Variants in SWT1 observed in about 807,000 individuals in gnomAD.
The protein encoded by SWT1 is transcriptional protein SWT1.
A neutral mutation model predicts 107.3 loss-of-function variants in SWT1; 33 were observed. That is an observed-to-expected ratio of 0.31 (90% confidence interval 0.23 to 0.41). The LOEUF (loss-of-function observed/expected upper bound fraction) is 0.41, where lower values mean the gene tolerates loss of function less well. Among genes scored for constraint, SWT1 ranks in the 10% least tolerant of loss-of-function variants. SWT1 has a pLI of 1.00. For missense variants in SWT1, 898 were observed against 1,028.9 expected (o/e 0.87, Z 1.74); for synonymous variants, 345 against 348.3 (o/e 0.99, Z 0.11).
intron 16 of SWT1, 124 bp from the exon 17 acceptor site, chr1:185,271,199 C>T: frequency 3.3e-6 from 2 of 614,028 alleles, no homozygotes; most frequent in Admixed American, 6.6e-5. Flanking sequence ...ATATTATAAA[C>T]CTGTAAGCTT....
chr1:185,223,333 C>A (rs1558053063), intron 15 of SWT1, among the ~76,000 whole-genome samples: 2 of 151,986 alleles, frequency 1.3e-5, no homozygotes, highest in Non-Finnish European at 1.5e-5. Context: ...CCTCTCACCT[C>A]ATTTTTTTGA....
chr1:185,188,119 A>G (rs1656654542), intron 9 of SWT1, among the ~76,000 whole-genome samples: 3 of 152,202 alleles, frequency 2.0e-5, no homozygotes, highest in Non-Finnish European at 4.4e-5. Flanking sequence ...AAGGATACAT[A>G]CCTAGTAAGT....
chr1:185,267,821 C>T (rs529658141), intron 16 of SWT1, among the ~76,000 whole-genome samples: 10 of 152,186 alleles, frequency 6.6e-5, no homozygotes, highest in African/African-American at 1.9e-4. Context: ...GATTTTAGGA[C>T]TTTCATTCAA....
intron 10 of SWT1, among the ~76,000 whole-genome samples, chr1:185,195,393 T>A (rs1363119942): frequency 6.6e-6 from 1 of 152,214 alleles, no homozygotes; most frequent in Non-Finnish European, 1.5e-5. Context: ...TAATCCAGTC[T>A]ATCACTGATG....
chr1:185,265,519 C>G (rs536389707), intron 16 of SWT1, among the ~76,000 whole-genome samples: 63 of 152,228 alleles, frequency 4.1e-4, no homozygotes, highest in African/African-American at 1.4e-3. Flanking sequence ...CAGCAAAATC[C>G]AATTTGATAA....
intron 15 of SWT1, among the ~76,000 whole-genome samples, chr1:185,228,171 A>G (rs747904314): frequency 4.2e-4 from 28 of 66,564 alleles, no homozygotes; most frequent in South Asian, 1.4e-3. Flanking sequence ...AAAAATGTGT[A>G]TATATATATA....
chr1:185,214,806 G>C (rs1659091597), intron 14 of SWT1, 151 bp downstream of exon 14: 1 of 605,752 alleles, frequency 1.7e-6, no homozygotes. Context: ...ATTGAATACA[G>C]AGTAAGCAAC....
At chr1:185,231,789 G>C (rs1660525101) in intron 16 of SWT1, 81 bp downstream of exon 16, 1 of 1,108,282 alleles carries the variant, frequency 9.0e-7, no homozygotes, top group Non-Finnish European at 1.3e-6. Flanking sequence ...TTTCAGAGTT[G>C]CTAGGAGTCA....
chr1:185,242,840 T>C (rs1278833924), intron 16 of SWT1, among the ~76,000 whole-genome samples: 5 of 152,148 alleles, frequency 3.3e-5, no homozygotes. Flanking sequence ...TTAAGTCTCG[T>C]TTTAAGAAAT....
chr1:185,184,827 C>T lies in SWT1; in HGVS notation c.1325C>T (p.Ala442Val), dbSNP rs202132437. The change falls in exon 9 of 19, where the codon GCC (alanine) becomes GTC (valine). Residue 442 changes from alanine (A) to valine (V), a missense_variant. Coordinates refer to ENST00000367500, the MANE Select transcript of SWT1 (RefSeq NM_017673.7). ...RMKEGKLLKR[A>V]QHKAIPAVHF... ...AAGGAAGGAAAACTACTAAAACGTG[C>T]CCAGCACAAAGCTATACCTGCAGTT... is the stretch of plus-strand genomic sequence containing the variant. The T allele has an allele frequency of 6.2e-7, 1 of 1,600,646 alleles. No individual in the cohort carries two copies. The highest frequency in any genetic ancestry group is 1.1e-5 in the South Asian group (1 of 89,022).
intron 16 of SWT1, chr1:185,251,284 A>G (rs1661998549): frequency 6.6e-6 from 1 of 152,572 alleles, no homozygotes; most frequent in Non-Finnish European, 1.5e-5. Context: ...CATCAATTCT[A>G]AATGTGTCCA....
In SWT1 at chr1:185,168,973, C is replaced by T. The variant is rs149677902; in HGVS notation, c.224+575C>T. Among the ~76,000 whole-genome samples, 576 of 152,126 alleles carry T rather than the reference C, an allele frequency of 3.8e-3. 4 individuals carry two copies. The highest frequency in any genetic ancestry group is 0.013 in the African/African-American group (534 of 41,496). ...GATAAATAAGTATACAAAGTTATAA[C>T]GTGTGATAAAACTTGGTAAGATCAA... On this transcript the variant is annotated intron_variant, in intron 4 of 18. Coordinates refer to ENST00000367500, the MANE Select transcript of SWT1 (RefSeq NM_017673.7).
chr1:185,257,600 G>A (rs1662682191), intron 16 of SWT1, among the ~76,000 whole-genome samples: 1 of 152,226 alleles, frequency 6.6e-6, no homozygotes, highest in Non-Finnish European at 1.5e-5. Context: ...CTGACCCCTT[G>A]CGCTTCCCAA....
intron 5 of SWT1, among the ~76,000 whole-genome samples, 168 bp from the exon 6 acceptor site, chr1:185,180,223 T>C (rs1011707831): frequency 6.6e-6 from 1 of 152,136 alleles, no homozygotes; most frequent in Non-Finnish European, 1.5e-5. Context: ...TGGGTAGTAC[T>C]ACTGACATTC....
chr1:185,187,029 A>G (rs61537994), intron 9 of SWT1, among the ~76,000 whole-genome samples: 4,808 of 134,568 alleles, frequency 0.036, 173 homozygotes, highest in African/African-American at 0.086. Flanking sequence ...TGCTAAGATT[A>G]CAGGCGTGAG....
At chr1:185,286,878 A>C (rs954976481) in intron 18 of SWT1, among the ~76,000 whole-genome samples, 2 of 152,216 alleles carry the variant, frequency 1.3e-5, no homozygotes, top group African/African-American at 4.8e-5. Flanking sequence ...TACAAAGTTG[A>C]ATAGTGAAAG....
chr1:185,176,056 C>T (rs1212859267), intron 5 of SWT1, among the ~76,000 whole-genome samples: 1 of 151,974 alleles, frequency 6.6e-6, no homozygotes, highest in Non-Finnish European at 1.5e-5. Flanking sequence ...TTGGGAGGCC[C>T]AGGCAGGCAG....
At chr1:185,282,234 A>T (rs768745569) in intron 18 of SWT1, among the ~76,000 whole-genome samples, 1 of 152,122 alleles carries the variant, frequency 6.6e-6, no homozygotes, top group Non-Finnish European at 1.5e-5. Context: ...GCCTTTTAAC[A>T]CTTTTGAGTT....
rs970887277 is a variant in SWT1 at position 185,170,931 on chromosome 1, G to A, written c.224+2533G>A. On this transcript the variant is annotated intron_variant, in intron 4 of 18. Transcript: ENST00000367500. Reference sequence around the variant, plus strand: ...TTTCCACAGGGAATCTTAGGCAGACGTCACCTGTTTTCTTTTAAGTAATGA... The same window carrying A: ...TTTCCACAGGGAATCTTAGGCAGACATCACCTGTTTTCTTTTAAGTAATGA... 3.3e-5 allele frequency among the ~76,000 whole-genome samples: 5 copies of A among 152,252 alleles called. No homozygotes were observed. The South Asian group carries it at 6.2e-4, about 19-fold the overall frequency.
Sources: gnomAD v4.1 joint callset for allele counts (sites outside exome capture counted in the v4.1 genomes callset) on GRCh38, gnomAD v4.1.1 for gene constraint, MANE v1.5 for transcripts, NCBI Gene and HGNC (gene_info 2026-07-23, HGNC 2026-07-21) for gene names.